The following KIAA1217 variants were observed in gnomAD, a reference collection of about 807,000 sequenced individuals.
KIAA1217 encodes the protein sickle tail protein homolog.
Under a neutral mutation model 163.9 loss-of-function variants are expected in KIAA1217, and 88 were observed. That is an observed-to-expected ratio of 0.54 (90% CI 0.45 to 0.64). The LOEUF (loss-of-function observed/expected upper bound fraction) is 0.64, where lower values mean the gene tolerates loss of function less well. Among genes scored for constraint, KIAA1217 ranks in the 30% least tolerant of loss-of-function variants. The pLI is 0.00. For synonymous variants in KIAA1217, 903 were observed against 923.1 expected (o/e 0.98, Z 0.39); for missense variants, 2,372 against 2,475.0 (o/e 0.96, Z 0.88).
At chr10:24,520,339 GTA>G (rs1390455812) in intron 11 of KIAA1217, 86 bp downstream of exon 11, 1 of 1,525,046 alleles carries the variant, frequency 6.6e-7, no homozygotes, top group Non-Finnish European at 8.9e-7. Context: ...ATTCATTCAT[GTA>G]TGCAAGTATT....
chr10:23,709,298 C>T lies in KIAA1217; in HGVS notation c.-321+14064C>T, dbSNP rs142431123. Among the ~76,000 whole-genome samples the T allele has an allele frequency of 4.7e-3, 722 of 152,070 alleles. 4 individuals are homozygous for T. The highest frequency in any genetic ancestry group is 8.3e-3 in the Admixed American group (126 of 15,254). On this transcript the variant is annotated intron_variant, in intron 1 of 18. Coordinates refer to the KIAA1217 transcript ENST00000376462. ...CAGCACTTTGGGAGGCCGAGGTGGG[C>T]GGATCACTTGAGTCTAGGTGTTTAA... is the stretch of plus-strand genomic sequence containing the variant.
intron 2 of KIAA1217, among the ~76,000 whole-genome samples, chr10:24,242,874 C>T (rs1032640354): frequency 6.6e-6 from 1 of 152,080 alleles, no homozygotes; most frequent in South Asian, 2.1e-4. Context: ...TTGTTGGCTT[C>T]TTGTATGTCT....
rs1431978323 is a variant in KIAA1217, at chr10:24,218,004, C to A, written c.71-1622C>A. On this transcript the variant is annotated intron_variant, in intron 1 of 20. Coordinates refer to ENST00000376454, the MANE Select transcript of KIAA1217 (RefSeq NM_019590.5). ...TAAAGCCAAGATTCCTGAGATCCAG[C>A]CTAGTACTTTTTCCAGGGAATTCAG... Among the ~76,000 whole-genome samples the A allele has an allele frequency of 2.6e-5, 4 of 152,090 alleles. No individual in the cohort carries two copies. The East Asian group carries it at 7.7e-4, about 29-fold the overall frequency.
chr10:23,997,700 G>A (rs114841218), intron 1 of KIAA1217, among the ~76,000 whole-genome samples: 1 of 152,182 alleles, frequency 6.6e-6, no homozygotes, highest in South Asian at 2.1e-4. Flanking sequence ...GCCTTTCACT[G>A]TCTGGCAGCA....
intron 1 of KIAA1217, among the ~76,000 whole-genome samples, chr10:23,793,927 T>G (rs1836080322): frequency 6.6e-6 from 1 of 152,234 alleles, no homozygotes; most frequent in Non-Finnish European, 1.5e-5. Context: ...TTAATTTTAA[T>G]AGTCATTAAT....
chr10:24,139,578 G>A (rs952857731), intron 2 of KIAA1217, among the ~76,000 whole-genome samples: 1 of 152,004 alleles, frequency 6.6e-6, no homozygotes, highest in Non-Finnish European at 1.5e-5. Context: ...AAGTTTGATG[G>A]TCTACCCAGT....
At chr10:24,361,620 C>G (rs1316498900) in intron 2 of KIAA1217, among the ~76,000 whole-genome samples, 1 of 152,110 alleles carries the variant, frequency 6.6e-6, no homozygotes, top group Non-Finnish European at 1.5e-5. Flanking sequence ...GGGCAAATAC[C>G]ATATCATGCA....
chr10:23,696,562 C>T (rs897444963), intron 1 of KIAA1217, among the ~76,000 whole-genome samples: 2 of 152,224 alleles, frequency 1.3e-5, no homozygotes, highest in Admixed American at 6.5e-5. Flanking sequence ...TGGGGCCCAA[C>T]TATGTATGTG....
intron 1 of KIAA1217, among the ~76,000 whole-genome samples, chr10:23,873,577 C>CAA (rs1840557925): frequency 6.6e-6 from 1 of 152,000 alleles, no homozygotes; most frequent in Non-Finnish European, 1.5e-5. Flanking sequence ...AGGGCCAAGA[C>CAA]AAGGCATCAT....
At chr10:24,520,389 A>C (rs1450853221) in intron 11 of KIAA1217, 136 bp downstream of exon 11, 1 of 1,205,274 alleles carries the variant, frequency 8.3e-7, no homozygotes, top group African/African-American at 1.5e-5. Flanking sequence ...TGTTCTGGAC[A>C]CTTGGGATAC....
intron 2 of KIAA1217, among the ~76,000 whole-genome samples, chr10:24,033,502 A>C (rs1229469398): frequency 1.3e-5 from 2 of 152,230 alleles, no homozygotes; most frequent in African/African-American, 4.8e-5. Context: ...TAATTAAGTT[A>C]GAATCAATAT....
At chr10:23,965,540 A>C (rs992810661) in intron 1 of KIAA1217, among the ~76,000 whole-genome samples, 20 of 152,240 alleles carry the variant, frequency 1.3e-4, no homozygotes, top group South Asian at 2.1e-4. Flanking sequence ...TAGAGATCAC[A>C]TCAGGGTGTT....
rs147917508 is a variant in KIAA1217, at chr10:24,141,496, T to C, written c.-170-78130T>C. On this transcript the variant is annotated intron_variant, in intron 2 of 18. Coordinates refer to the KIAA1217 transcript ENST00000376462. ...GAAAAAGGACTATGTTGCAGAGATA[T>C]TGCAGAAAAGGAGGAGCTTAGGAAG... 3.5e-3 allele frequency among the ~76,000 whole-genome samples: 536 copies of C among 152,308 alleles called. 1 individual carries two copies. Among genetic ancestry groups the C allele is most frequent in the Non-Finnish European group, 4.9e-3 (330 of 68,014 alleles).
chr10:23,964,016 C>G (rs1589150748), intron 1 of KIAA1217, among the ~76,000 whole-genome samples: 1 of 151,844 alleles, frequency 6.6e-6, no homozygotes, highest in African/African-American at 2.4e-5. Context: ...GCCTCAACCT[C>G]CCAAGTAACT....
intron 1 of KIAA1217, among the ~76,000 whole-genome samples, chr10:23,980,980 T>A (rs1285131818): frequency 6.6e-6 from 1 of 152,228 alleles, no homozygotes; most frequent in African/African-American, 2.4e-5. Flanking sequence ...TTCTCAACAT[T>A]AGGCAATATG....
At chr10:23,975,610 A>G (rs184468894) in intron 1 of KIAA1217, among the ~76,000 whole-genome samples, 1 of 152,296 alleles carries the variant, frequency 6.6e-6, no homozygotes, top group Admixed American at 6.5e-5. Context: ...CCAGGGTAGA[A>G]GGGACTTCCC....
chr10:23,784,543 C>T (rs1158049744), intron 1 of KIAA1217, among the ~76,000 whole-genome samples: 1 of 151,788 alleles, frequency 6.6e-6, no homozygotes, highest in Admixed American at 6.6e-5. Flanking sequence ...TATTTCCTTT[C>T]TTGCTGTCTT....
chr10:24,372,383 C>T (rs569430243), intron 2 of KIAA1217, among the ~76,000 whole-genome samples: 4 of 152,194 alleles, frequency 2.6e-5, no homozygotes, highest in South Asian at 4.1e-4. Flanking sequence ...TGATCTGGTG[C>T]GTTTCAGTTC....
chr10:23,995,450 C>CTCTGTGTGTGTGTGTGTGTGTGTG (rs980015208), intron 1 of KIAA1217, among the ~76,000 whole-genome samples: 40 of 147,826 alleles, frequency 2.7e-4, no homozygotes, highest in African/African-American at 7.5e-4. Context: ...CAATTATGGC[C>CTCTGTGTGTGTGTGTGTGTGTGTG]TGTGTGTGTG....
Sources: gnomAD v4.1 joint callset for allele counts (sites outside exome capture counted in the v4.1 genomes callset) on GRCh38, gnomAD v4.1.1 for gene constraint, MANE v1.5 for transcripts, NCBI Gene and HGNC (gene_info 2026-07-23, HGNC 2026-07-21) for gene names.